Variants in LIMS4 observed in about 807,000 individuals in gnomAD.
LIMS4 encodes the protein LIM zinc finger domain containing 4, also known as LIM and senescent cell antigen-like-containing domain protein 4.
chr2:110,395,824 T>G, the LIMS4 span, among the ~76,000 whole-genome samples: 2 of 121,406 alleles, frequency 1.6e-5, no homozygotes, highest in Non-Finnish European at 3.3e-5. Context: ...ATCATGTCCC[T>G]GATCTCCTCA....
At chr2:110,425,127 AC>A in the LIMS4 span, among the ~76,000 whole-genome samples, 1 of 142,992 alleles carries the variant, frequency 7.0e-6, no homozygotes, top group South Asian at 2.1e-4. Flanking sequence ...ATTCTCGAAG[AC>A]CAGGAACCCA....
At chr2:110,410,783 G>GT in the LIMS4 span, among the ~76,000 whole-genome samples, 2 of 95,264 alleles carry the variant, frequency 2.1e-5, no homozygotes, top group African/African-American at 4.9e-5. Flanking sequence ...ATTAACTGCC[G>GT]TAAGAGCCGA....
chr2:110,422,549 T>C, the LIMS4 span, among the ~76,000 whole-genome samples: 2 of 88,826 alleles, frequency 2.3e-5, no homozygotes, highest in African/African-American at 9.2e-5. Flanking sequence ...GGCACAGTGA[T>C]AGCTCACTGC....
chr2:110,379,039 A>G, the LIMS4 span, among the ~76,000 whole-genome samples: 1 of 148,344 alleles, frequency 6.7e-6, no homozygotes, highest in East Asian at 2.0e-4. Flanking sequence ...TATATGTGGG[A>G]ATGGATATTA....
chr2:110,433,425 T>C, the LIMS4 span: 1 of 146,882 alleles, frequency 6.8e-6, no homozygotes, highest in Non-Finnish European at 1.5e-5. Context: ...TCTTACACTT[T>C]GGGAACTCAC....
the LIMS4 span, among the ~76,000 whole-genome samples, chr2:110,382,094 AAAAAATATATATATATATAT>A: frequency 3.6e-5 from 3 of 83,980 alleles, no homozygotes; most frequent in Non-Finnish European, 6.2e-5. Flanking sequence ...AAAAAAAAAA[AAAAAATATATATATATATAT>A]ATATATATAT....
the LIMS4 span, among the ~76,000 whole-genome samples, chr2:110,390,782 G>T: frequency 6.6e-6 from 1 of 152,018 alleles, no homozygotes; most frequent in Non-Finnish European, 1.5e-5. Flanking sequence ...CCTGAGTTCA[G>T]CTTGGGTGCT....
chr2:110,368,153 T>C, the LIMS4 span, among the ~76,000 whole-genome samples: 1 of 147,380 alleles, frequency 6.8e-6, no homozygotes, highest in Non-Finnish European at 1.5e-5. Context: ...AAATTAAATA[T>C]AAATATATGT....
At chr2:110,397,162 G>T in the LIMS4 span, among the ~76,000 whole-genome samples, 1 of 55,614 alleles carries the variant, frequency 1.8e-5, no homozygotes, top group South Asian at 8.5e-4. Flanking sequence ...TTTTGAGGTG[G>T]GATAAAGATT....
the LIMS4 span, among the ~76,000 whole-genome samples, chr2:110,390,470 T>G: frequency 7.5e-6 from 1 of 132,954 alleles, no homozygotes; most frequent in Non-Finnish European, 1.5e-5. Flanking sequence ...CCCTGGGATG[T>G]GGGAGCGTGG....
chr2:110,425,602 T>G, the LIMS4 span, among the ~76,000 whole-genome samples: 1 of 141,790 alleles, frequency 7.1e-6, no homozygotes, highest in Non-Finnish European at 1.5e-5. Context: ...GTTGGCCTGG[T>G]GGAATCACCC....
the LIMS4 span, among the ~76,000 whole-genome samples, chr2:110,359,769 C>T: frequency 1.2e-4 from 9 of 77,588 alleles, no homozygotes; most frequent in African/African-American, 3.5e-4. Context: ...GGTCTAACTA[C>T]GTATTTGTAA....
the LIMS4 span, among the ~76,000 whole-genome samples, chr2:110,392,333 G>T: frequency 1.3e-5 from 2 of 151,092 alleles, no homozygotes; most frequent in Non-Finnish European, 2.9e-5. Flanking sequence ...CAGCTACTCG[G>T]GAGGCTGAGG....
the LIMS4 span, among the ~76,000 whole-genome samples, chr2:110,395,952 C>T: frequency 7.1e-6 from 1 of 141,398 alleles, no homozygotes; most frequent in Non-Finnish European, 1.5e-5. Context: ...AAGAGACATG[C>T]ACTACTGACA....
the LIMS4 span, chr2:110,433,849 CT>C: frequency 3.8e-5 from 1 of 26,366 alleles, no homozygotes; most frequent in South Asian, 1.6e-3. Flanking sequence ...AAGTTAATCA[CT>C]TGCACACACT....
chr2:110,390,404 G>A, the LIMS4 span, among the ~76,000 whole-genome samples: 1 of 123,618 alleles, frequency 8.1e-6, no homozygotes, highest in East Asian at 2.5e-4. Context: ...GCCAGTGCTG[G>A]CAGTAGGAAT....
chr2:110,407,928 TGTTA>T, the LIMS4 span: 7 of 94,366 alleles, frequency 7.4e-5, no homozygotes. Flanking sequence ...TGGTTTAACA[TGTTA>T]GTTACCTGAT....
At chr2:110,371,989 G>C in the LIMS4 span, among the ~76,000 whole-genome samples, 1 of 152,096 alleles carries the variant, frequency 6.6e-6, no homozygotes, top group Non-Finnish European at 1.5e-5. Flanking sequence ...CGCCAAACTA[G>C]GGCCCAGCTT....
At chr2:110,360,925 C>G in the LIMS4 span, 1 of 1,498,668 alleles carries the variant, frequency 6.7e-7, no homozygotes, top group Non-Finnish European at 9.1e-7. Context: ...CCGATTTGTG[C>G]TGAGGGATGT....
Sources: gnomAD v4.1 joint callset for allele counts (sites outside exome capture counted in the v4.1 genomes callset) on GRCh38, gnomAD v4.1.1 for gene constraint, MANE v1.5 for transcripts, NCBI Gene and HGNC (gene_info 2026-07-23, HGNC 2026-07-21) for gene names.